The following KIF26B variants were observed in gnomAD, a reference collection of about 807,000 sequenced individuals.
KIF26B encodes kinesin-like protein KIF26B.
In KIF26B, 63 loss-of-function variants were observed where a neutral mutation model predicts 151.2. The observed-to-expected ratio is 0.42, with a 90% CI of 0.34 to 0.51. The LOEUF is 0.51. Ranked by LOEUF, KIF26B falls within the 20% of genes least tolerant of loss-of-function variation. The probability of loss-of-function intolerance (pLI) is 0.07; values close to 1 mark genes in which losing one functional copy is unlikely to be tolerated. For missense variants in KIF26B, 2,813 were observed against 2,913.6 expected, an observed-to-expected ratio of 0.97 and a Z score of 0.79; for synonymous variants, 1,357 against 1,262.1, an observed-to-expected ratio of 1.08 and a Z score of -1.59.
chr1:245,639,290 C>A lies in KIF26B; in HGVS notation c.2099-6831C>A, dbSNP rs549433089. 1.2e-4 allele frequency among the ~76,000 whole-genome samples: 18 copies of A among 151,728 alleles called. No homozygotes were observed. In the South Asian group the frequency reaches 3.7e-3, roughly 32 times the overall value. On this transcript the variant is annotated intron_variant, in intron 9 of 14. Coordinates refer to ENST00000407071, the MANE Select transcript of KIF26B (RefSeq NM_018012.4). ...TTATTCATAATGGTCGCTAATGATC[C>A]TTTGTGTATCTGTAGTATCAGTTGT...
chr1:245,370,644 G>C (rs934652964), intron 3 of KIF26B: 2 of 456,540 alleles, frequency 4.4e-6, no homozygotes, highest in Non-Finnish European at 4.4e-6. Context: ...CAGCGCTGAT[G>C]AGCGAGGACA....
At chr1:245,456,818 A>G (rs1184517964) in intron 4 of KIF26B, among the ~76,000 whole-genome samples, 1 of 152,362 alleles carries the variant, frequency 6.6e-6, no homozygotes, top group East Asian at 1.9e-4. Context: ...ATGCATACCC[A>G]AGGGGCTACA....
chr1:245,358,783 C>G lies in KIF26B; in HGVS notation c.466-8051C>G, dbSNP rs1672753111. ...TTTGAAAGTAATATTTTAGTGCATT[C>G]TAGTATAATCTTGATTAGTGCTTAC... On this transcript the variant is annotated intron_variant, in intron 2 of 14. Transcript: ENST00000407071. This position sits in a 1 kb window ranked among gnomAD's most constrained non-coding sequence, Gnocchi z 4.1. Among the ~76,000 whole-genome samples the G allele has an allele frequency of 6.6e-6, 1 of 152,290 alleles. No homozygotes were observed. Among genetic ancestry groups the G allele is most frequent in the Non-Finnish European group, 1.5e-5 (1 of 68,032 alleles).
At chr1:245,627,638 A>T (rs544799228) in intron 9 of KIF26B, among the ~76,000 whole-genome samples, 4 of 152,126 alleles carry the variant, frequency 2.6e-5, no homozygotes, top group Non-Finnish European at 5.9e-5. Flanking sequence ...ATCAGAGCAG[A>T]ACTGAAGGAG....
At chr1:245,306,411 T>C (rs1671540406) in intron 2 of KIF26B, among the ~76,000 whole-genome samples, 1 of 152,212 alleles carries the variant, frequency 6.6e-6, no homozygotes, top group Admixed American at 6.5e-5. Context: ...ATGGAATTTA[T>C]TTTAGGAGAT....
intron 5 of KIF26B, among the ~76,000 whole-genome samples, chr1:245,595,286 AT>A (rs1406702618): frequency 6.6e-6 from 1 of 152,142 alleles, no homozygotes; most frequent in African/African-American, 2.4e-5. Flanking sequence ...TCAGTATGAT[AT>A]TGGCTGTGGG....
At chr1:245,499,441 A>G (rs189730995) in intron 4 of KIF26B, among the ~76,000 whole-genome samples, 62 of 152,354 alleles carry the variant, frequency 4.1e-4, no homozygotes, top group African/African-American at 1.4e-3. Flanking sequence ...CCTAATTCAT[A>G]GCTAACCTGC....
chr1:245,438,703 A>C (rs1164311640), intron 4 of KIF26B, among the ~76,000 whole-genome samples: 3 of 152,234 alleles, frequency 2.0e-5, no homozygotes, highest in Non-Finnish European at 2.9e-5. Context: ...ATTCAGTGAG[A>C]TACTCTTCAG....
intron 4 of KIF26B, among the ~76,000 whole-genome samples, chr1:245,485,746 T>C (rs1406466456): frequency 6.6e-6 from 1 of 152,194 alleles, no homozygotes; most frequent in African/African-American, 2.4e-5. Context: ...CTGCTTCTTA[T>C]AAACTGGCGA....
At chr1:245,596,951 G>A (rs1056073751) in intron 5 of KIF26B, among the ~76,000 whole-genome samples, 4 of 152,040 alleles carry the variant, frequency 2.6e-5, no homozygotes, top group Admixed American at 6.6e-5. Context: ...CACTACGACC[G>A]CAACCCTTGC....
At chr1:245,376,166 T>C (rs1253608076) in intron 3 of KIF26B, among the ~76,000 whole-genome samples, 1 of 152,212 alleles carries the variant, frequency 6.6e-6, no homozygotes, top group African/African-American at 2.4e-5. Flanking sequence ...AGAGGCCTTT[T>C]GATCTGATAG....
intron 2 of KIF26B, among the ~76,000 whole-genome samples, chr1:245,312,258 A>T (rs1036456010): frequency 5.3e-5 from 8 of 152,168 alleles, no homozygotes; most frequent in African/African-American, 1.9e-4. Flanking sequence ...TGTCCTAAGG[A>T]TGCAACTGAT....
At chr1:245,413,543 A>G (rs974520924) in intron 3 of KIF26B, among the ~76,000 whole-genome samples, 4 of 152,068 alleles carry the variant, frequency 2.6e-5, no homozygotes, top group East Asian at 1.9e-4. Context: ...TCCACCTGTA[A>G]TCCCAGCTAC....
rs751609818 is a variant in KIF26B at position 245,690,206 on chromosome 1, G to A, written c.5824+1399G>A. ...TTAAAAAAAAATAAATGAAATTTAC[G>A]CAGAACCCCACGTGCAATTCTGTGG... On this transcript the variant is annotated intron_variant, in intron 12 of 14. Transcript: ENST00000407071. Among the ~76,000 whole-genome samples the A allele has an allele frequency of 1.8e-3, 270 of 152,120 alleles. 8 individuals are homozygous for A. The highest frequency in any genetic ancestry group is 2.0e-3 in the Admixed American group (30 of 15,282).
At chr1:245,656,518 T>C (rs1312693585) in intron 10 of KIF26B, among the ~76,000 whole-genome samples, 1 of 152,186 alleles carries the variant, frequency 6.6e-6, no homozygotes, top group Non-Finnish European at 1.5e-5. Flanking sequence ...AGTTGTGTCA[T>C]AACCAGAAAC....
intron 2 of KIF26B, among the ~76,000 whole-genome samples, chr1:245,159,781 G>A (rs929353556): frequency 5.3e-5 from 8 of 152,304 alleles, no homozygotes; most frequent in East Asian, 1.9e-4. Flanking sequence ...AGCCCATTCC[G>A]GGTATCTGGT....
In KIF26B at chr1:245,685,689, C is replaced by T; in HGVS notation, c.2706C>T (p.Asp902=). ...IVPALQKTRG[D]SRPAEAGEAA... ...CAGCCCTGCAGAAGACCCGGGGCGA[C>T]AGCCGGCCCGCAGAGGCAGGAGAGG... is the stretch of plus-strand genomic sequence containing the variant. Residue 902 remains aspartate, a synonymous_variant, in exon 12 of 15, where the codon GAC becomes GAT. Coordinates refer to ENST00000407071, the MANE Select transcript of KIF26B (RefSeq NM_018012.4). The T allele has an allele frequency of 6.2e-7, 1 of 1,612,996 alleles. No individual in the cohort carries two copies. Among genetic ancestry groups the T allele is most frequent in the Non-Finnish European group, 8.5e-7 (1 of 1,179,814 alleles).
At chr1:245,496,769 G>T (rs568673458) in intron 4 of KIF26B, among the ~76,000 whole-genome samples, 2 of 151,976 alleles carry the variant, frequency 1.3e-5, no homozygotes, top group South Asian at 4.2e-4. Flanking sequence ...GTATTTTAAA[G>T]ACAACAAAAT....
chr1:245,433,985 AT>A (rs888446449), intron 4 of KIF26B, among the ~76,000 whole-genome samples: 16 of 151,060 alleles, frequency 1.1e-4, no homozygotes, highest in East Asian at 1.9e-4. Flanking sequence ...AGCCACTTTG[AT>A]TTTTTTTTTA....
Sources: gnomAD v4.1 joint callset for allele counts (sites outside exome capture counted in the v4.1 genomes callset) on GRCh38, gnomAD v4.1.1 for gene constraint, Gnocchi (gnomAD v3.1) non-coding constraint, MANE v1.5 for transcripts, NCBI Gene and HGNC (gene_info 2026-07-23, HGNC 2026-07-21) for gene names.